The following REEP1 variants were observed in gnomAD, a reference collection of about 807,000 sequenced individuals.
The protein encoded by REEP1 is receptor expression-enhancing protein 1.
Under a neutral mutation model 40.3 loss-of-function variants are expected in REEP1, and 22 were observed. The observed-to-expected ratio is 0.55, with a 90% CI of 0.39 to 0.78. The LOEUF (loss-of-function observed/expected upper bound fraction) is 0.78, where lower values mean the gene tolerates loss of function less well. REEP1 is among the 30% of genes least tolerant of loss of function. The pLI is 0.00. For synonymous variants in REEP1, 116 were observed against 139.2 expected, an observed-to-expected ratio of 0.83 and a Z score of 1.17; for missense variants, 280 against 361.1, an observed-to-expected ratio of 0.78 and a Z score of 1.82.
At chr2:86,217,393 T>A (rs1250524854) in intron 8 of REEP1, among the ~76,000 whole-genome samples, 1 of 152,176 alleles carries the variant, frequency 6.6e-6, no homozygotes, top group African/African-American at 2.4e-5. Flanking sequence ...ATCTTTCTTG[T>A]TTCTGCCTGA....
At chr2:86,268,305 G>A (rs973976582) in intron 2 of REEP1, among the ~76,000 whole-genome samples, 1 of 152,168 alleles carries the variant, frequency 6.6e-6, no homozygotes, top group African/African-American at 2.4e-5. Context: ...AAGGTTGCAG[G>A]ATACAAGGTT....
chr2:86,318,296 A>T (rs1680119020), intron 1 of REEP1, among the ~76,000 whole-genome samples: 1 of 152,194 alleles, frequency 6.6e-6, no homozygotes, highest in Non-Finnish European at 1.5e-5. Flanking sequence ...TCCACATTGA[A>T]ATTAACCTTG....
chr2:86,260,987 G>A (rs1486798186), intron 3 of REEP1, among the ~76,000 whole-genome samples: 1 of 152,160 alleles, frequency 6.6e-6, no homozygotes, highest in African/African-American at 2.4e-5. Flanking sequence ...AATAGTTGTT[G>A]AGCACTTACT....
At chr2:86,257,109 A>T (rs1676605022) in intron 3 of REEP1, among the ~76,000 whole-genome samples, 1 of 152,210 alleles carries the variant, frequency 6.6e-6, no homozygotes, top group Admixed American at 6.5e-5. Context: ...GAAAAGAGAG[A>T]GGCTGAAGAA....
intron 6 of REEP1, among the ~76,000 whole-genome samples, chr2:86,229,884 T>A (rs1366022443): frequency 6.6e-6 from 1 of 152,110 alleles, no homozygotes; most frequent in Non-Finnish European, 1.5e-5. Context: ...AGTGCTGGGA[T>A]TACAGGCGTG....
chr2:86,310,714 T>C (rs13400641), intron 1 of REEP1, among the ~76,000 whole-genome samples: 6,305 of 151,862 alleles, frequency 0.042, 454 homozygotes, highest in African/African-American at 0.14. Context: ...CCTTTCTCTC[T>C]CTCTCTCTCT....
At chr2:86,287,291 T>A (rs1038791723) in intron 1 of REEP1, among the ~76,000 whole-genome samples, 1 of 152,078 alleles carries the variant, frequency 6.6e-6, no homozygotes, top group Non-Finnish European at 1.5e-5. Flanking sequence ...TTTCTCCACA[T>A]TGTCGAGGCT....
chr2:86,305,839 G>C (rs13388621), intron 1 of REEP1, among the ~76,000 whole-genome samples: 2 of 151,992 alleles, frequency 1.3e-5, no homozygotes, highest in Non-Finnish European at 2.9e-5. Context: ...CGGAGGACTC[G>C]AGAAACTTCT....
At chr2:86,283,398 A>G (rs1478991635) in intron 1 of REEP1, among the ~76,000 whole-genome samples, 1 of 152,190 alleles carries the variant, frequency 6.6e-6, no homozygotes, top group Non-Finnish European at 1.5e-5. Context: ...TGGCCCAGGT[A>G]CTATATGAGC....
At chr2:86,226,099 CCACCACCACCACCACCAT>C (rs1674675691) in intron 7 of REEP1, among the ~76,000 whole-genome samples, 1 of 145,832 alleles carries the variant, frequency 6.9e-6, no homozygotes, top group Non-Finnish European at 1.5e-5. Context: ...ACCACCACCA[CCACCACCACCACCACCAT>C]CATCACCACC....
At chr2:86,335,544 T>C (rs1680976898) in intron 1 of REEP1, among the ~76,000 whole-genome samples, 1 of 152,076 alleles carries the variant, frequency 6.6e-6, no homozygotes, top group Admixed American at 6.5e-5. Context: ...CCCCCATCAG[T>C]TGCTCATTGT....
chr2:86,243,221 G>A (rs1306310865), intron 5 of REEP1, among the ~76,000 whole-genome samples: 1 of 152,032 alleles, frequency 6.6e-6, no homozygotes, highest in East Asian at 1.9e-4. Context: ...GGAGGGAGGA[G>A]GCAAACATGA....
intron 1 of REEP1, among the ~76,000 whole-genome samples, chr2:86,303,714 C>T (rs1181000031): frequency 6.6e-6 from 1 of 152,050 alleles, no homozygotes; most frequent in East Asian, 1.9e-4. Flanking sequence ...GATGTTCCAG[C>T]AGATCTTGAA....
chr2:86,243,596 G>A (rs1233626697), intron 5 of REEP1, among the ~76,000 whole-genome samples: 1 of 152,360 alleles, frequency 6.6e-6, no homozygotes, highest in South Asian at 2.1e-4. Context: ...AACACTGGGA[G>A]AGCCGGAATC....
At chr2:86,323,030 T>C (rs575869568) in intron 1 of REEP1, among the ~76,000 whole-genome samples, 2 of 152,236 alleles carry the variant, frequency 1.3e-5, no homozygotes, top group African/African-American at 4.8e-5. Flanking sequence ...AGACAATGTC[T>C]CTACACAAAA....
chr2:86,215,858 G>C lies in REEP1; in HGVS notation c.*1181C>G, dbSNP rs1674081907. ...TGCACAGGCCAGGAGGGGAACAGAAGGTGTGAGCCACAGGTGCTCCTGGGT... is the reference window on the plus strand; with the variant it reads ...TGCACAGGCCAGGAGGGGAACAGAACGTGTGAGCCACAGGTGCTCCTGGGT... On this transcript the variant is annotated 3_prime_UTR_variant, in exon 9 of 9. Transcript: ENST00000538924. 1 of 152,276 alleles carries C rather than the reference G, an allele frequency of 6.6e-6. No individual in the cohort carries two copies. The highest frequency in any genetic ancestry group is 6.5e-5 in the Admixed American group (1 of 15,272). The allele number at this position is 152,276 out of a possible 1,614,324, so 9.4% of individuals were successfully genotyped here.
At chr2:86,320,054 C>T (rs985395363) in intron 1 of REEP1, among the ~76,000 whole-genome samples, 4 of 152,220 alleles carry the variant, frequency 2.6e-5, no homozygotes, top group Admixed American at 2.6e-4. Flanking sequence ...TTAAGCCACT[C>T]AGTTTGTGGC....
chr2:86,250,341 T>C (rs1863053), intron 5 of REEP1, among the ~76,000 whole-genome samples: 6,092 of 152,210 alleles, frequency 0.04, 431 homozygotes, highest in African/African-American at 0.14. Flanking sequence ...GCAGAACAGA[T>C]GGGGTAGAGA....
intron 5 of REEP1, among the ~76,000 whole-genome samples, chr2:86,248,967 C>T (rs897319230): frequency 6.6e-6 from 1 of 152,122 alleles, no homozygotes; most frequent in African/African-American, 2.4e-5. Flanking sequence ...CTGTGCTAGG[C>T]TCTTGGGAGC....
Sources: gnomAD v4.1 joint callset for allele counts (sites outside exome capture counted in the v4.1 genomes callset) on GRCh38, gnomAD v4.1.1 for gene constraint, MANE v1.5 for transcripts, NCBI Gene and HGNC (gene_info 2026-07-23, HGNC 2026-07-21) for gene names.